Variants in POMGNT2 observed in about 807,000 individuals in gnomAD.
POMGNT2 encodes the protein protein O-linked-mannose beta-1,4-N-acetylglucosaminyltransferase 2.
A neutral mutation model predicts 37.8 loss-of-function variants in POMGNT2; 32 were observed. The observed-to-expected ratio is 0.85, with a 90% CI of 0.64 to 1.14. The LOEUF (loss-of-function observed/expected upper bound fraction) is 1.14, where lower values mean the gene tolerates loss of function less well. Ranked by LOEUF, POMGNT2 falls within the 50% of genes most tolerant of loss-of-function variation. POMGNT2 has a pLI of 0.00. For synonymous variants in POMGNT2, 340 were observed against 336.8 expected (o/e 1.01, Z -0.10); for missense variants, 705 against 780.6 (o/e 0.90, Z 1.15).
rs1480243181 is a variant in POMGNT2, at chr3:43,098,566, T to C, written c.-106+7270A>G. On this transcript the variant is annotated intron_variant, in intron 1 of 1. Coordinates refer to ENST00000344697, the MANE Select transcript of POMGNT2 (RefSeq NM_032806.6). This position sits in a 1 kb window ranked among gnomAD's most constrained non-coding sequence, Gnocchi z 4.3. The stretch of plus-strand genomic sequence containing the variant: ...TAACACATTTAATTATCAAGGCATA[T>C]TTAACATTTAGTTAAGGGCTCACTT... Among the ~76,000 whole-genome samples the C allele has an allele frequency of 6.6e-6, 1 of 152,238 alleles. No individual in the cohort carries two copies.
At chr3:43,105,445 C>G (rs1217628840) in intron 1 of POMGNT2, among the ~76,000 whole-genome samples, 5 of 152,086 alleles carry the variant, frequency 3.3e-5, no homozygotes, top group Non-Finnish European at 7.4e-5. Flanking sequence ...CCACCACCCC[C>G]GCCAAATGTG....
chr3:43,079,636 G>C lies in POMGNT2; in HGVS notation c.*53C>G. 9 of 1,518,484 alleles carry C rather than the reference G, an allele frequency of 5.9e-6. No individual in the cohort carries two copies. Among genetic ancestry groups the C allele is most frequent in the Non-Finnish European group, 8.1e-6 (9 of 1,113,508 alleles). 94.1% of individuals were successfully genotyped at this position (1,518,484 alleles called of 1,614,324 possible). A position where few individuals can be genotyped will look rare whatever the true frequency, so the allele number is the denominator to read the frequency against. ...CTCCACAGTGGGATTAATGGGCCCA[G>C]GGACGCTGAACTGCAGGAGCCACCT... On this transcript the variant is annotated 3_prime_UTR_variant, in exon 2 of 2. Coordinates refer to ENST00000344697, the MANE Select transcript of POMGNT2 (RefSeq NM_032806.6).
rs555652322 is a variant in POMGNT2 at position 43,103,835 on chromosome 3, T to C, written c.-106+2001A>G. The stretch of plus-strand genomic sequence containing the variant: ...AGTGACCTTAGGCCAATTCTTTACC[T>C]CTCCAAGCCTTCACTTCCTGGCTTG... On this transcript the variant is annotated intron_variant, in intron 1 of 1. Transcript: ENST00000344697. Among the ~76,000 whole-genome samples the C allele has an allele frequency of 7.9e-5, 12 of 152,224 alleles. No homozygotes were observed. The South Asian group carries it at 2.5e-3, about 32-fold the overall frequency.
chr3:43,102,595 C>T (rs187218476), intron 1 of POMGNT2, among the ~76,000 whole-genome samples: 3 of 152,212 alleles, frequency 2.0e-5, no homozygotes, highest in East Asian at 3.8e-4. Flanking sequence ...GCGAGAGGCG[C>T]TGTCTTAAGC....
In POMGNT2 at chr3:43,098,408, T is replaced by C. The variant is rs1234472958; in HGVS notation, c.-106+7428A>G. ...TATGGAACTGGTATTAATAACATAATGCTTACATTTGCTCCTAAATTAAAT... is the reference window on the plus strand; with the variant it reads ...TATGGAACTGGTATTAATAACATAACGCTTACATTTGCTCCTAAATTAAAT... On this transcript the variant is annotated intron_variant, in intron 1 of 1. Coordinates refer to ENST00000344697, the MANE Select transcript of POMGNT2 (RefSeq NM_032806.6). The surrounding 1 kb of genome is among the most constrained non-coding windows in gnomAD (Gnocchi z 4.3). Among the ~76,000 whole-genome samples the C allele has an allele frequency of 6.6e-6, 1 of 152,206 alleles. No homozygotes were observed. The highest frequency in any genetic ancestry group is 1.5e-5 in the Non-Finnish European group (1 of 68,048).
At position 43,079,427 on chromosome 3, in the gene POMGNT2, T is replaced by G; in HGVS notation, c.*262A>C. On this transcript the variant is annotated 3_prime_UTR_variant, in exon 2 of 2. Coordinates refer to ENST00000344697, the MANE Select transcript of POMGNT2 (RefSeq NM_032806.6). ...CCAGAGGTTCCTTGTGATTCTTTGC[T>G]TCCTCCTCTCCTCTTCCTCCTCCCT... is the stretch of plus-strand genomic sequence containing the variant. 2.3e-6 allele frequency: 1 copy of G among 441,762 alleles called. No homozygotes were observed. Among genetic ancestry groups the G allele is most frequent in the Non-Finnish European group, 4.0e-6 (1 of 249,934 alleles). 27.4% of individuals were successfully genotyped at this position (441,762 alleles called of 1,614,324 possible).
Position 43,080,673 on chromosome 3 carries a change from C to T in POMGNT2, c.759G>A (p.Pro253=), listed in dbSNP as rs981484756. ...YQYGFVQPQG[P]KANILVSGNE... ...TGCCTGAGACGAGGATGTTGGCCTT[C>T]GGGCCCTGGGGCTGCACAAAGCCAT... Residue 253 remains proline, a synonymous_variant, in exon 2 of 2, where the codon CCG becomes CCA. Transcript: ENST00000344697. The T allele has an allele frequency of 1.4e-5, 23 of 1,614,082 alleles. No individual in the cohort carries two copies. The highest frequency in any genetic ancestry group is 1.7e-5 in the Admixed American group (1 of 60,012).
chr3:43,093,738 G>T (rs1273411146), intron 1 of POMGNT2, among the ~76,000 whole-genome samples: 3 of 152,130 alleles, frequency 2.0e-5, no homozygotes, highest in Admixed American at 6.5e-5. Flanking sequence ...TCCCCAGTGG[G>T]ATTAAGTCCC....
chr3:43,100,047 T>G (rs1424461244), intron 1 of POMGNT2, among the ~76,000 whole-genome samples: 1 of 152,184 alleles, frequency 6.6e-6, no homozygotes, highest in Non-Finnish European at 1.5e-5. Flanking sequence ...GATCTCCTTC[T>G]TTTTATCTGG....
At chr3:43,097,877 G>C (rs2089991263) in intron 1 of POMGNT2, among the ~76,000 whole-genome samples, 2 of 152,128 alleles carry the variant, frequency 1.3e-5, no homozygotes, top group South Asian at 4.1e-4. Flanking sequence ...GTTAAAAACG[G>C]ATGCTCATTT....
intron 1 of POMGNT2, among the ~76,000 whole-genome samples, chr3:43,100,943 C>A (rs1040480047): frequency 7.2e-5 from 11 of 152,178 alleles, no homozygotes; most frequent in Non-Finnish European, 1.3e-4. Context: ...GGGACACTCA[C>A]CTTGGGGCAG....
rs1462117450 is a variant in POMGNT2, at chr3:43,079,819, A to G, written c.1613T>C (p.Ile538Thr). The G allele has an allele frequency of 1.9e-6, 3 of 1,614,212 alleles. No individual in the cohort carries two copies. The highest frequency in any genetic ancestry group is 1.7e-6 in the Non-Finnish European group (2 of 1,180,040). The change falls in exon 2 of 2, where the codon ATC (isoleucine) becomes ACC (threonine). Residue 538 changes from isoleucine (I) to threonine (T), a missense_variant. Coordinates refer to ENST00000344697, the MANE Select transcript of POMGNT2 (RefSeq NM_032806.6). ...GAAGGTGTGGTTCTGCAGAGCCAGG[A>G]TGTAAGGCACGTAGGTGTTCTCCCC... ...EQGENTYVPY[I>T]LALQNHTFTE...
rs200080447 is a variant in POMGNT2, at chr3:43,080,863, C to T, written c.569G>A (p.Arg190Gln). The T allele has an allele frequency of 3.7e-5, 60 of 1,614,072 alleles. No homozygotes were observed. In the East Asian group the frequency reaches 9.4e-4, roughly 25 times the overall value. ...RQFPGLAHEA[R>Q]LFFMEGWGEG... ...GCCCCAGCCCTCCATGAAGAAGAGCCGTGCCTCGTGGGCCAGGCCGGGAAA... is the reference window on the plus strand; with the variant it reads ...GCCCCAGCCCTCCATGAAGAAGAGCTGTGCCTCGTGGGCCAGGCCGGGAAA... Residue 190 changes from arginine to glutamine, a missense_variant, in exon 2 of 2, where the codon CGG becomes CAG. Transcript: ENST00000344697.
chr3:43,079,954 G>A lies in POMGNT2; in HGVS notation c.1478C>T (p.Ser493Leu). 2 of 1,614,000 alleles carry A rather than the reference G, an allele frequency of 1.2e-6. No homozygotes were observed. Among genetic ancestry groups the A allele is most frequent in the Non-Finnish European group, 1.7e-6 (2 of 1,180,048 alleles). The stretch of plus-strand genomic sequence containing the variant: ...GCGGGCCTCGGAGGCGCCATGCACT[G>A]ACGCCTGGCACCGTGCCTCCCGCAC... ...GKVREARCQA[S>L]VHGASEARLT... The change falls in exon 2 of 2, where the codon TCA becomes TTA. Residue 493 changes from serine to leucine, a missense_variant. Physicochemically the swap from Ser to Leu is moderately radical, Grantham distance 145. Coordinates refer to ENST00000344697, the MANE Select transcript of POMGNT2 (RefSeq NM_032806.6).
chr3:43,079,953 T>C lies in POMGNT2; in HGVS notation c.1479A>G (p.Ser493=), dbSNP rs1480995515. 1.9e-6 allele frequency: 3 copies of C among 1,613,882 alleles called. No homozygotes were observed. Among genetic ancestry groups the C allele is most frequent in the African/African-American group, 1.3e-5 (1 of 74,958 alleles). ...GKVREARCQA[S]VHGASEARLT... ...GGCGGGCCTCGGAGGCGCCATGCAC[T>C]GACGCCTGGCACCGTGCCTCCCGCA... The change falls in exon 2 of 2, where the codon TCA becomes TCG. Residue 493 remains serine, a synonymous_variant. Transcript: ENST00000344697.
chr3:43,097,958 T>C (rs1453805647), intron 1 of POMGNT2, among the ~76,000 whole-genome samples: 4 of 152,182 alleles, frequency 2.6e-5, no homozygotes, highest in Admixed American at 2.6e-4. Flanking sequence ...GTTCCCAGTT[T>C]TGTGACTGCC....
chr3:43,092,765 T>C (rs1290591486), intron 1 of POMGNT2, among the ~76,000 whole-genome samples: 2 of 152,238 alleles, frequency 1.3e-5, no homozygotes, highest in East Asian at 1.9e-4. Context: ...TTGTGTTTAC[T>C]TGACAAAATA....
chr3:43,082,525 G>C (rs2089865160), intron 1 of POMGNT2, among the ~76,000 whole-genome samples: 1 of 152,170 alleles, frequency 6.6e-6, no homozygotes, highest in South Asian at 2.1e-4. Flanking sequence ...CACTGACAGA[G>C]AGGCCTGGCT....
rs572676096 is a variant in POMGNT2 at position 43,103,424 on chromosome 3, G to A, written c.-106+2412C>T. On this transcript the variant is annotated intron_variant, in intron 1 of 1. Transcript: ENST00000344697. Reference sequence around the variant, plus strand: ...AAGCTTCCCAGATCCCACCCAGCCTGCACCCTCACCCAGCACTGCCCCCTC... The same window carrying A: ...AAGCTTCCCAGATCCCACCCAGCCTACACCCTCACCCAGCACTGCCCCCTC... 2.0e-5 allele frequency among the ~76,000 whole-genome samples: 3 copies of A among 152,152 alleles called. No individual in the cohort carries two copies. In the East Asian group the frequency reaches 5.8e-4, roughly 30 times the overall value.
Sources: gnomAD v4.1 joint callset for allele counts (sites outside exome capture counted in the v4.1 genomes callset) on GRCh38, gnomAD v4.1.1 for gene constraint, Gnocchi (gnomAD v3.1) non-coding constraint, MANE v1.5 for transcripts, NCBI Gene and HGNC (gene_info 2026-07-23, HGNC 2026-07-21) for gene names.